Variants in ANKRD30B observed in about 807,000 individuals in gnomAD.
ANKRD30B encodes the protein ankyrin repeat domain 30B.
A neutral mutation model predicts 202.2 loss-of-function variants in ANKRD30B; 144 were observed. The ratio of observed to expected loss-of-function variants is 0.71; its 90% CI spans 0.62 to 0.82. The LOEUF (loss-of-function observed/expected upper bound fraction) is 0.82, where lower values mean the gene tolerates loss of function less well. Ranked by LOEUF, ANKRD30B falls within the 40% of genes least tolerant of loss-of-function variation. ANKRD30B has a pLI of 0.00. For synonymous variants in ANKRD30B, 508 were observed against 561.3 expected (o/e 0.91, Z 1.34); for missense variants, 1,487 against 1,669.1 (o/e 0.89, Z 1.90).
chr18:14,825,992 A>G (rs1450311210), intron 32 of ANKRD30B, among the ~76,000 whole-genome samples: 1 of 152,162 alleles, frequency 6.6e-6, no homozygotes, highest in African/African-American at 2.4e-5. Flanking sequence ...GGACAGACCA[A>G]CCGTTTTCTT....
intron 11 of ANKRD30B, among the ~76,000 whole-genome samples, chr18:14,780,304 A>T (rs564239764): frequency 1.3e-5 from 2 of 151,988 alleles, no homozygotes; most frequent in African/African-American, 4.8e-5. Context: ...AATTAGTTGG[A>T]TGTGGTGGTG....
intron 9 of ANKRD30B, among the ~76,000 whole-genome samples, chr18:14,776,780 A>C (rs553809446): frequency 6.6e-6 from 1 of 152,342 alleles, no homozygotes; most frequent in African/African-American, 2.4e-5. Flanking sequence ...GTTTGCTTTC[A>C]TTTAAAAATA....
rs1349517014 is a variant in ANKRD30B at position 14,755,020 on chromosome 18, T to C, written c.617+15T>C. ...GAGTCTAAATGGTATGGTAGTTCTT[T>C]TTTTTTACTAAAAAACACTTGACTA... On this transcript the variant is annotated intron_variant, in intron 4 of 43. Transcript: ENST00000690538. 1 of 1,389,540 alleles carries C rather than the reference T, an allele frequency of 7.2e-7. No individual in the cohort carries two copies. Among genetic ancestry groups the C allele is most frequent in the Non-Finnish European group, 9.5e-7 (1 of 1,055,204 alleles). The allele number at this position is 1,389,540 out of a possible 1,614,324, so 86.1% of individuals were successfully genotyped here.
chr18:14,917,844 G>A, the ANKRD30B span, among the ~76,000 whole-genome samples: 1 of 152,318 alleles, frequency 6.6e-6, no homozygotes, highest in Admixed American at 6.5e-5. Context: ...TCTGGGCTCA[G>A]ATTTATTGGT....
At chr18:14,760,279 A>T (rs1184299940) in intron 5 of ANKRD30B, among the ~76,000 whole-genome samples, 1 of 152,162 alleles carries the variant, frequency 6.6e-6, no homozygotes, top group Non-Finnish European at 1.5e-5. Flanking sequence ...ACTTTTTCTG[A>T]GTTAGGGACA....
intron 36 of ANKRD30B, among the ~76,000 whole-genome samples, chr18:14,840,114 CT>C (rs1971354769): frequency 6.6e-6 from 1 of 152,134 alleles, no homozygotes; most frequent in Non-Finnish European, 1.5e-5. Context: ...TTGAGGTTTT[CT>C]CTTGAAATGT....
intron 34 of ANKRD30B, among the ~76,000 whole-genome samples, chr18:14,831,805 G>A (rs1225215480): frequency 1.1e-4 from 16 of 152,042 alleles, no homozygotes; most frequent in African/African-American, 3.9e-4. Flanking sequence ...AGGTTTCTTT[G>A]CATAAGTAAA....
chr18:14,840,927 T>G (rs532314309), intron 37 of ANKRD30B, among the ~76,000 whole-genome samples: 2 of 152,220 alleles, frequency 1.3e-5, no homozygotes, highest in South Asian at 4.1e-4. Flanking sequence ...AAACAGGGAA[T>G]GAAGACTGAG....
At chr18:14,873,442 T>A in the ANKRD30B span, among the ~76,000 whole-genome samples, 2 of 150,730 alleles carry the variant, frequency 1.3e-5, no homozygotes, top group African/African-American at 4.9e-5. Flanking sequence ...GGAGAATCAC[T>A]TGAACCTGGG....
the ANKRD30B span, among the ~76,000 whole-genome samples, chr18:14,935,349 A>T: frequency 1.3e-5 from 2 of 152,168 alleles, no homozygotes; most frequent in Non-Finnish European, 2.9e-5. Context: ...TGGAGCAGAG[A>T]CAGCCCTGGG....
At chr18:14,782,669 A>C in intron 12 of ANKRD30B, 55 bp downstream of exon 12, 2 of 1,177,786 alleles carry the variant, frequency 1.7e-6, no homozygotes, top group Non-Finnish European at 2.4e-6. Context: ...GTCTAAACGC[A>C]TGATGACTGA....
At chr18:14,932,208 G>A in the ANKRD30B span, among the ~76,000 whole-genome samples, 1 of 151,788 alleles carries the variant, frequency 6.6e-6, no homozygotes, top group African/African-American at 2.4e-5. Context: ...TGGGAGGTGG[G>A]GTGGGGGGCT....
chr18:14,773,831 A>C (rs558341893), intron 9 of ANKRD30B, among the ~76,000 whole-genome samples: 1 of 151,808 alleles, frequency 6.6e-6, no homozygotes, highest in Non-Finnish European at 1.5e-5. Context: ...AATTTTTGTA[A>C]TTTTAGTAGA....
At position 14,760,698 on chromosome 18, in the gene ANKRD30B, A is replaced by G; in HGVS notation, c.820+80A>G. On this transcript the variant is annotated intron_variant, in intron 6 of 43. Transcript: ENST00000690538. ...GTGCTGATCACAAAAAAGCAATTCA[A>G]AAAGCAATGTGCAAATAGCATGTGT... 4.0e-6 allele frequency: 4 copies of G among 1,002,122 alleles called. No individual in the cohort carries two copies. In the Admixed American group the frequency reaches 8.2e-5, roughly 21 times the overall value. 62.1% of individuals were successfully genotyped at this position (1,002,122 alleles called of 1,614,324 possible). A position where few individuals can be genotyped will look rare whatever the true frequency, so the allele number is the denominator to read the frequency against.
intron 1 of ANKRD30B, among the ~76,000 whole-genome samples, chr18:14,751,997 A>G (rs977316830): frequency 1.4e-4 from 22 of 152,214 alleles, no homozygotes; most frequent in African/African-American, 5.3e-4. Context: ...AATGTCAGAG[A>G]TGTTAAAATA....
the ANKRD30B span, among the ~76,000 whole-genome samples, chr18:14,865,758 G>A: frequency 1.3e-5 from 2 of 151,870 alleles, no homozygotes; most frequent in Non-Finnish European, 2.9e-5. Context: ...TACCGCTCCA[G>A]CCACACTACA....
At chr18:14,886,280 G>A in the ANKRD30B span, among the ~76,000 whole-genome samples, 1 of 151,920 alleles carries the variant, frequency 6.6e-6, no homozygotes, top group Non-Finnish European at 1.5e-5. Flanking sequence ...ATGACCTTAG[G>A]TTTATCAAAA....
chr18:14,924,589 C>T, the ANKRD30B span, among the ~76,000 whole-genome samples: 6 of 152,274 alleles, frequency 3.9e-5, no homozygotes, highest in Admixed American at 6.5e-5. Flanking sequence ...ACAGCAGAGC[C>T]GGGGAGCACA....
At chr18:14,918,949 T>C in the ANKRD30B span, among the ~76,000 whole-genome samples, 3 of 152,188 alleles carry the variant, frequency 2.0e-5, no homozygotes, top group Non-Finnish European at 4.4e-5. Context: ...GTTCACTGAC[T>C]TGCCATTCCA....
Sources: gnomAD v4.1 joint callset for allele counts (sites outside exome capture counted in the v4.1 genomes callset) on GRCh38, gnomAD v4.1.1 for gene constraint, MANE v1.5 for transcripts, NCBI Gene and HGNC (gene_info 2026-07-23, HGNC 2026-07-21) for gene names.